CSK: variants seen among roughly 807,000 people sequenced by gnomAD.
CSK encodes the protein C-terminal Src kinase, also known as tyrosine-protein kinase CSK.
In CSK, 7 loss-of-function variants were observed where a neutral mutation model predicts 62.3. The ratio of observed to expected loss-of-function variants is 0.11; its 90% CI spans 0.06 to 0.21. The LOEUF is 0.21. Ranked by LOEUF, CSK falls within the 10% of genes least tolerant of loss-of-function variation. The pLI is 1.00. For missense variants in CSK, 294 were observed against 613.5 expected (o/e 0.48, Z 5.50); for synonymous variants, 237 against 246.0 (o/e 0.96, Z 0.34).
intron 1 of CSK, chr15:74,788,705 C>T (rs989952764): frequency 6.5e-5 from 10 of 154,312 alleles, no homozygotes; most frequent in African/African-American, 1.2e-4. Context: ...ATCTGGGGGC[C>T]GAAGTTTTAG....
At chr15:74,786,746 G>A (rs926772219) in intron 1 of CSK, among the ~76,000 whole-genome samples, 1 of 152,164 alleles carries the variant, frequency 6.6e-6, no homozygotes, top group Non-Finnish European at 1.5e-5. Flanking sequence ...CAGGACACCA[G>A]TCTCCTCCTG....
At position 74,801,684 on chromosome 15, in the gene CSK, C is replaced by G. The variant is rs369572978; in HGVS notation, c.888-11C>G. On this transcript the variant is annotated splice_polypyrimidine_tract_variant and intron_variant, in intron 10 of 12. Coordinates refer to ENST00000220003, the MANE Select transcript of CSK (RefSeq NM_004383.3). ...CCAGTCTGAGGGGACATGTGGCTGG[C>G]CTACCCCCAGAGATGTCTGCGAGGC... The G allele has an allele frequency of 6.2e-7, 1 of 1,610,100 alleles. No homozygotes were observed. Among genetic ancestry groups the G allele is most frequent in the South Asian group, 1.1e-5 (1 of 90,830 alleles).
intron 1 of CSK, among the ~76,000 whole-genome samples, chr15:74,786,135 C>T (rs571447471): frequency 2.0e-4 from 30 of 151,686 alleles, no homozygotes; most frequent in African/African-American, 7.3e-4. Flanking sequence ...AGCGATTCTC[C>T]TGCCTCAGCC....
intron 1 of CSK, among the ~76,000 whole-genome samples, chr15:74,789,838 C>A (rs1430428557): frequency 1.3e-5 from 2 of 152,192 alleles, no homozygotes; most frequent in Non-Finnish European, 2.9e-5. Context: ...CTGAACATAC[C>A]AGGCCATGGC....
Position 74,798,386 on chromosome 15 carries a change from A to G in CSK, c.15+74A>G. On this transcript the variant is annotated intron_variant, in intron 2 of 12. Transcript: ENST00000220003. The surrounding 1 kb of genome is among the most constrained non-coding windows in gnomAD (Gnocchi z 6.6). ...CAGCGGGGTGCTTAGCAGAGGAGAGAGGATGCAGCTTAGATCAACCCACTC... is the reference window on the plus strand; with the variant it reads ...CAGCGGGGTGCTTAGCAGAGGAGAGGGGATGCAGCTTAGATCAACCCACTC... 4 of 1,560,078 alleles carry G rather than the reference A, an allele frequency of 2.6e-6. No homozygotes were observed. The highest frequency in any genetic ancestry group is 3.5e-6 in the Non-Finnish European group (4 of 1,144,442).
At chr15:74,787,699 A>G (rs1418219995) in intron 1 of CSK, among the ~76,000 whole-genome samples, 1 of 152,018 alleles carries the variant, frequency 6.6e-6, no homozygotes, top group Admixed American at 6.6e-5. Context: ...CTGGGCCCAG[A>G]GTCGAAGGAA....
chr15:74,791,795 T>A (rs1022185084), intron 1 of CSK, among the ~76,000 whole-genome samples: 1 of 152,226 alleles, frequency 6.6e-6, no homozygotes, highest in Non-Finnish European at 1.5e-5. Context: ...GGAACAGCTC[T>A]GGCAGGAACG....
Position 74,801,828 on chromosome 15 carries a change from A to G in CSK, c.1021A>G (p.Ser341Gly), listed in dbSNP as rs2063797335. The G allele has an allele frequency of 6.2e-7, 1 of 1,613,670 alleles. No homozygotes were observed. The highest frequency in any genetic ancestry group is 1.3e-5 in the African/African-American group (1 of 74,936). The change falls in exon 11 of 13, where the codon AGC (serine) becomes GGC (glycine). Residue 341 changes from serine (S) to glycine (G), a missense_variant. Ser to Gly is a moderately conservative substitution (Grantham distance 56). Transcript: ENST00000220003. ...SDFGLTKEASSTQDTGKLPVK... is the reference protein window; with the variant it reads ...SDFGLTKEASGTQDTGKLPVK... The stretch of plus-strand genomic sequence containing the variant: ...CTTTGGTCTCACCAAGGAGGCGTCC[A>G]GCACCCAGGACACGGGCAAGCTGCC...
rs1398146652 is a variant in CSK, at chr15:74,798,135, A to G, written c.-65-98A>G. ...CATGTGTCAAATCCCAGCGCAGGAC[A>G]CTCTTGGCACCTGTTCATGCCCAGT... On this transcript the variant is annotated intron_variant, in intron 1 of 12. Transcript: ENST00000220003. This position sits in a 1 kb window ranked among gnomAD's most constrained non-coding sequence, Gnocchi z 6.6. 1.5e-6 allele frequency: 1 copy of G among 684,662 alleles called. No homozygotes were observed. The allele number at this position is 684,662 out of a possible 1,614,324, so 42.4% of individuals were successfully genotyped here.
chr15:74,787,679 C>T (rs961499376), intron 1 of CSK, among the ~76,000 whole-genome samples: 5 of 152,154 alleles, frequency 3.3e-5, no homozygotes, highest in African/African-American at 7.2e-5. Flanking sequence ...TCCACCCCTC[C>T]TTCTGTGGTC....
chr15:74,802,610 C>A lies in CSK; in HGVS notation c.*97C>A. On this transcript the variant is annotated 3_prime_UTR_variant, in exon 13 of 13. Coordinates refer to ENST00000220003, the MANE Select transcript of CSK (RefSeq NM_004383.3). ...TCACTGGGCCCGAGCCTGAACTGAG[C>A]CCCAGCGGGCTGGCGGGCCTTTTTC... 6.8e-7 allele frequency: 1 copy of A among 1,474,154 alleles called. No individual in the cohort carries two copies. The allele number at this position is 1,474,154 out of a possible 1,614,324, so 91.3% of individuals were successfully genotyped here.
Position 74,802,011 on chromosome 15 carries a change from G to A in CSK, c.1098G>A (p.Lys366=). ...EALREKKFST[K]SDVWSFGILL... is the part of the protein sequence containing the mutation. ...CCACATGGCAGAAATTCTCCACTAA[G>A]TCTGACGTGTGGAGTTTCGGAATCC... The change falls in exon 12 of 13, where the codon AAG becomes AAA. Residue 366 remains lysine (K), a synonymous_variant. Coordinates refer to ENST00000220003, the MANE Select transcript of CSK (RefSeq NM_004383.3). The A allele has an allele frequency of 6.2e-7, 1 of 1,614,076 alleles. No individual in the cohort carries two copies. The highest frequency in any genetic ancestry group is 8.5e-7 in the Non-Finnish European group (1 of 1,179,970).
chr15:74,795,682 G>C (rs16972714), intron 1 of CSK, among the ~76,000 whole-genome samples: 8,936 of 152,182 alleles, frequency 0.059, 581 homozygotes, highest in South Asian at 0.34. Flanking sequence ...CTTTTTTGGG[G>C]AGTCAACTTT....
chr15:74,801,314 A>G (rs1348636792), intron 9 of CSK, among the ~76,000 whole-genome samples: 1 of 152,340 alleles, frequency 6.6e-6, no homozygotes, highest in South Asian at 2.1e-4. Flanking sequence ...GGAAATGGAG[A>G]TAATAACAAC....
intron 1 of CSK, among the ~76,000 whole-genome samples, chr15:74,788,950 A>G (rs1295500673): frequency 6.6e-6 from 1 of 152,198 alleles, no homozygotes; most frequent in Non-Finnish European, 1.5e-5. Context: ...CCCAGCGCAC[A>G]TAGGTAATTA....
intron 1 of CSK, among the ~76,000 whole-genome samples, chr15:74,786,000 C>CTTTTT (rs1232728038): frequency 1.3e-4 from 8 of 59,924 alleles, no homozygotes; most frequent in Non-Finnish European, 1.8e-4. Context: ...CTCTCTCTCT[C>CTTTTT]TCTTTTTTTT....
At chr15:74,783,327 C>G (rs1798228337) in intron 1 of CSK, among the ~76,000 whole-genome samples, 1 of 152,194 alleles carries the variant, frequency 6.6e-6, no homozygotes, top group Non-Finnish European at 1.5e-5. Flanking sequence ...GCATTAGCAC[C>G]ATGCCCCCAC....
intron 1 of CSK, among the ~76,000 whole-genome samples, chr15:74,783,823 C>G (rs186688456): frequency 1.3e-5 from 2 of 152,330 alleles, no homozygotes; most frequent in African/African-American, 4.8e-5. Flanking sequence ...ACCTGGTGGT[C>G]AGTCCTGACC....
Position 74,798,955 on chromosome 15 carries a change from G to T in CSK, c.242+17G>T. The T allele has an allele frequency of 6.7e-7, 1 of 1,489,118 alleles. No individual in the cohort carries two copies. Among genetic ancestry groups the T allele is most frequent in the South Asian group, 1.3e-5 (1 of 75,150 alleles). 92.2% of individuals were successfully genotyped at this position (1,489,118 alleles called of 1,614,324 possible). On this transcript the variant is annotated intron_variant, in intron 4 of 12. Transcript: ENST00000220003. The surrounding 1 kb of genome is among the most constrained non-coding windows in gnomAD (Gnocchi z 6.6). ...CCTCATGCCGTGAGTACCACGAGGA[G>T]GGGTTGGGGAGGGAAGGGGCCTTGG...
Sources: gnomAD v4.1 joint callset for allele counts (sites outside exome capture counted in the v4.1 genomes callset) on GRCh38, gnomAD v4.1.1 for gene constraint, Gnocchi (gnomAD v3.1) non-coding constraint, MANE v1.5 for transcripts, NCBI Gene and HGNC (gene_info 2026-07-23, HGNC 2026-07-21) for gene names.